PVT1: variants seen among roughly 807,000 people sequenced by gnomAD.
PVT1 encodes the protein CXCR4/PVT1 fusion.
intron 4 of PVT1, among the ~76,000 whole-genome samples, chr8:128,011,032 C>T (rs904054080): frequency 6.6e-6 from 1 of 152,176 alleles, no homozygotes; most frequent in Non-Finnish European, 1.5e-5. Context: ...CTTGCCTTGA[C>T]TTCTTTGACT....
At chr8:127,936,057 T>TA (rs1816269826) in intron 3 of PVT1, among the ~76,000 whole-genome samples, 1 of 148,908 alleles carries the variant, frequency 6.7e-6, no homozygotes, top group Non-Finnish European at 1.5e-5. Context: ...TTTTTTTTTT[T>TA]TACTTTTTTT....
intron 3 of PVT1, among the ~76,000 whole-genome samples, chr8:127,975,142 C>G (rs1816809781): frequency 6.6e-6 from 1 of 152,136 alleles, no homozygotes; most frequent in African/African-American, 2.4e-5. Context: ...GTGCATATAA[C>G]CTTTTTCTTC....
intron 3 of PVT1, among the ~76,000 whole-genome samples, chr8:127,967,281 G>T (rs1816713676): frequency 6.6e-6 from 1 of 152,112 alleles, no homozygotes; most frequent in Non-Finnish European, 1.5e-5. Flanking sequence ...GAACTGGGCA[G>T]TGAAGTGGGG....
chr8:127,958,207 G>T (rs926015755), intron 3 of PVT1, among the ~76,000 whole-genome samples: 14 of 151,976 alleles, frequency 9.2e-5, no homozygotes, highest in African/African-American at 1.9e-4. Context: ...CATACTTTCT[G>T]TTTTTTTCTC....
chr8:127,854,140 C>T (rs1415475514), intron 2 of PVT1, among the ~76,000 whole-genome samples: 1 of 125,518 alleles, frequency 8.0e-6, no homozygotes, highest in African/African-American at 3.4e-5. Context: ...CTGCGGCAGC[C>T]GGGAAGCAGG....
At chr8:127,937,613 A>G (rs1310784003) in intron 3 of PVT1, among the ~76,000 whole-genome samples, 9 of 150,792 alleles carry the variant, frequency 6.0e-5, no homozygotes, top group Non-Finnish European at 1.2e-4. Context: ...AGAGAGACCA[A>G]CGTGGCCTCT....
At chr8:127,809,895 A>C (rs557682030) in intron 2 of PVT1, among the ~76,000 whole-genome samples, 5 of 152,342 alleles carry the variant, frequency 3.3e-5, no homozygotes, top group East Asian at 3.9e-4. Context: ...GATATCTCCT[A>C]TCCATGTGGT....
At chr8:127,967,691 G>A (rs896642814) in intron 3 of PVT1, among the ~76,000 whole-genome samples, 1 of 152,180 alleles carries the variant, frequency 6.6e-6, no homozygotes, top group African/African-American at 2.4e-5. Flanking sequence ...GGGCAGTACC[G>A]CTCCTGCCAC....
At chr8:127,798,931 T>G (rs191289019) in intron 2 of PVT1, among the ~76,000 whole-genome samples, 36 of 152,224 alleles carry the variant, frequency 2.4e-4, no homozygotes, top group Non-Finnish European at 3.7e-4. Context: ...TGCAAGAGGC[T>G]GCAATCAGGT....
At chr8:128,077,847 T>C (rs984267720) in intron 5 of PVT1, among the ~76,000 whole-genome samples, 2 of 152,232 alleles carry the variant, frequency 1.3e-5, no homozygotes, top group South Asian at 2.1e-4. Context: ...CTGGAATCTT[T>C]AAGAAATGAG....
chr8:127,870,509 C>G (rs989133041), intron 2 of PVT1, among the ~76,000 whole-genome samples: 3 of 152,142 alleles, frequency 2.0e-5, no homozygotes, highest in Admixed American at 6.5e-5. Context: ...CAACACAGAA[C>G]CAAATACCCT....
At chr8:128,090,067 T>C (rs906844020) in intron 5 of PVT1, among the ~76,000 whole-genome samples, 3 of 152,242 alleles carry the variant, frequency 2.0e-5, no homozygotes, top group African/African-American at 7.2e-5. Flanking sequence ...TTCAGTTCTA[T>C]GCATAGGCCT....
At chr8:127,942,715 G>T (rs927030249) in intron 3 of PVT1, among the ~76,000 whole-genome samples, 2 of 152,154 alleles carry the variant, frequency 1.3e-5, no homozygotes, top group Admixed American at 1.3e-4. Context: ...GCCTCATTTT[G>T]CTCTAAGTAT....
intron 4 of PVT1, among the ~76,000 whole-genome samples, chr8:128,050,332 G>A (rs1563675487): frequency 6.6e-6 from 1 of 152,246 alleles, no homozygotes; most frequent in East Asian, 1.9e-4. Context: ...GCACAGTTCT[G>A]ACCATGTCCC....
intron 2 of PVT1, among the ~76,000 whole-genome samples, chr8:127,798,089 G>T (rs1814417833): frequency 6.6e-6 from 1 of 152,028 alleles, no homozygotes; most frequent in African/African-American, 2.4e-5. Flanking sequence ...GATCACCTGA[G>T]GTCAGGAGTT....
chr8:127,823,890 G>C (rs533682295), intron 2 of PVT1, among the ~76,000 whole-genome samples: 1 of 152,130 alleles, frequency 6.6e-6, no homozygotes. Flanking sequence ...CTTTCTAATC[G>C]CCCTTTAAGG....
chr8:127,844,967 C>A (rs1262228823), intron 2 of PVT1, among the ~76,000 whole-genome samples: 3 of 152,152 alleles, frequency 2.0e-5, no homozygotes, highest in Non-Finnish European at 4.4e-5. Flanking sequence ...CCTGCCTCGG[C>A]CTCCCAAAGT....
chr8:127,941,945 G>T (rs1044025909), intron 3 of PVT1, among the ~76,000 whole-genome samples: 1 of 152,110 alleles, frequency 6.6e-6, no homozygotes, highest in Non-Finnish European at 1.5e-5. Context: ...TGGCTTCCTC[G>T]GGGCCCTTGG....
intron 4 of PVT1, among the ~76,000 whole-genome samples, chr8:128,066,581 G>A (rs1563679201): frequency 6.6e-6 from 1 of 152,242 alleles, no homozygotes; most frequent in African/African-American, 2.4e-5. Flanking sequence ...GGATCCATTG[G>A]TAGGGGTTTT....
Sources: allele counts gnomAD v4.1 joint callset (sites outside exome capture counted in the v4.1 genomes callset), GRCh38; gene constraint gnomAD v4.1.1; transcripts MANE v1.5; gene names NCBI Gene and HGNC (gene_info 2026-07-23, HGNC 2026-07-21).